Variants in PHACTR2 observed in about 807,000 individuals in gnomAD.
PHACTR2 encodes the protein chromosome 6 open reading frame 56.
In PHACTR2, 30 loss-of-function variants were observed where a neutral mutation model predicts 76.0. That is an observed-to-expected ratio of 0.39 (90% CI 0.30 to 0.54). The LOEUF (loss-of-function observed/expected upper bound fraction) is 0.54, where lower values mean the gene tolerates loss of function less well. Among genes scored for constraint, PHACTR2 ranks in the 20% least tolerant of loss-of-function variants. The pLI is 0.61. For synonymous variants in PHACTR2, 292 were observed against 292.5 expected, an observed-to-expected ratio of 1.00 and a Z score of 0.02; for missense variants, 696 against 781.1, an observed-to-expected ratio of 0.89 and a Z score of 1.30.
rs763835024 is a variant in PHACTR2, at chr6:143,754,565, G to A, written c.454+653G>A. On this transcript the variant is annotated intron_variant, in intron 4 of 12. Transcript: ENST00000440869. The surrounding 1 kb of genome is among the most constrained non-coding windows in gnomAD (Gnocchi z 6.2). The stretch of plus-strand genomic sequence containing the variant: ...TTCTTTAGAGACCTTGGTTCCTAGA[G>A]TGAATATGCTACAGTAGATTGAGAT... 9.9e-5 allele frequency among the ~76,000 whole-genome samples: 15 copies of A among 152,210 alleles called. No homozygotes were observed. Among genetic ancestry groups the A allele is most frequent in the Admixed American group, 3.3e-4 (5 of 15,282 alleles).
intron 1 of PHACTR2, among the ~76,000 whole-genome samples, chr6:143,636,046 A>G (rs1776445945): frequency 6.6e-6 from 1 of 152,114 alleles, no homozygotes; most frequent in Non-Finnish European, 1.5e-5. Context: ...TGTCTCTACT[A>G]AAAGTAAAAA....
chr6:143,545,314 C>T (rs111783778), intron 1 of PHACTR2, among the ~76,000 whole-genome samples: 8 of 152,154 alleles, frequency 5.3e-5, no homozygotes, highest in African/African-American at 1.4e-4. Flanking sequence ...GTAAACCTCA[C>T]TTGGCAACAC....
At chr6:143,603,413 TA>T (rs540737549), upstream of PHACTR2, among the ~76,000 whole-genome samples, 381 of 139,064 alleles carry the variant, frequency 2.7e-3, no homozygotes, top group African/African-American at 3.7e-3. Context: ...TGCTCTGCCT[TA>T]AAAAAAAAAA....
In PHACTR2 at chr6:143,539,906, C is replaced by T. The variant is rs959306058; in HGVS notation, c.217+2699C>T. On this transcript the variant is annotated intron_variant, in intron 1 of 11. Coordinates refer to the PHACTR2 transcript ENST00000367584. This position sits in a 1 kb window ranked among gnomAD's most constrained non-coding sequence, Gnocchi z 4.3. ...ACAACGAAGCAACCTGTGGCTGGGT[C>T]GCACACCTAGGGATTCTGATTTCAT... is the stretch of plus-strand genomic sequence containing the variant. Among the ~76,000 whole-genome samples the T allele has an allele frequency of 6.6e-6, 1 of 152,174 alleles. No homozygotes were observed. Among genetic ancestry groups the T allele is most frequent in the African/African-American group, 2.4e-5 (1 of 41,428 alleles).
intron 1 of PHACTR2, among the ~76,000 whole-genome samples, chr6:143,574,341 A>T (rs986457853): frequency 1.3e-5 from 2 of 152,212 alleles, no homozygotes; most frequent in Non-Finnish European, 2.9e-5. Context: ...CTATCGATAA[A>T]AACAAGTCAC....
upstream of PHACTR2, among the ~76,000 whole-genome samples, chr6:143,607,028 T>C (rs992431035): frequency 2.6e-5 from 4 of 152,190 alleles, no homozygotes; most frequent in African/African-American, 9.7e-5. Flanking sequence ...TACTTAAACC[T>C]AGAAGCTGTT....
At position 143,821,396 on chromosome 6, in the gene PHACTR2, T is replaced by C. The variant is rs954556453; in HGVS notation, c.1923-2278T>C. ...TCACCTGCTCTTATTTTTTAGTTTT[T>C]CATTTTGTAATGCTTGTATTCAACA... On this transcript the variant is annotated intron_variant, in intron 12 of 12. Transcript: ENST00000440869. This position sits in a 1 kb window ranked among gnomAD's most constrained non-coding sequence, Gnocchi z 5.2. 1.3e-5 allele frequency among the ~76,000 whole-genome samples: 2 copies of C among 152,258 alleles called. No individual in the cohort carries two copies. Among genetic ancestry groups the C allele is most frequent in the African/African-American group, 4.8e-5 (2 of 41,464 alleles).
rs1235701158 is a variant in PHACTR2 at position 143,791,021 on chromosome 6, T to C, written c.1845+2111T>C. Reference sequence around the variant, plus strand: ...ATACAGTCGAATTTATCAACCTTTTTCTTTATGGCTTATGATTTTGTTTCT... The same window carrying C: ...ATACAGTCGAATTTATCAACCTTTTCCTTTATGGCTTATGATTTTGTTTCT... On this transcript the variant is annotated intron_variant, in intron 11 of 12. Coordinates refer to ENST00000440869, the MANE Select transcript of PHACTR2 (RefSeq NM_001100164.2). The surrounding 1 kb of genome is among the most constrained non-coding windows in gnomAD (Gnocchi z 4.7). Among the ~76,000 whole-genome samples, 1 of 152,222 alleles carries C rather than the reference T, an allele frequency of 6.6e-6. No homozygotes were observed. Among genetic ancestry groups the C allele is most frequent in the East Asian group, 1.9e-4 (1 of 5,198 alleles).
intron 6 of PHACTR2, among the ~76,000 whole-genome samples, chr6:143,771,121 A>C (rs1582862752): frequency 7.9e-6 from 1 of 126,356 alleles, no homozygotes. Context: ...TAATTCATAT[A>C]TGTACTTTAC....
chr6:143,718,808 C>T (rs868609153), intron 2 of PHACTR2, among the ~76,000 whole-genome samples: 36 of 151,140 alleles, frequency 2.4e-4, no homozygotes, highest in African/African-American at 8.7e-4. Context: ...GCTCTGGTTG[C>T]ATTAATAAAT....
intron 2 of PHACTR2, among the ~76,000 whole-genome samples, chr6:143,726,197 T>G (rs1437945920): frequency 6.6e-6 from 1 of 152,260 alleles, no homozygotes. Flanking sequence ...TCCAGAGTTT[T>G]GCATTCCTGC....
chr6:143,765,434 C>T lies in PHACTR2; in HGVS notation c.868C>T (p.Leu290=), dbSNP rs745443451. The change falls in exon 6 of 13, where the codon CTG becomes TTG. Residue 290 remains leucine, a synonymous_variant. Transcript: ENST00000440869. This position sits in a 1 kb window ranked among gnomAD's most constrained non-coding sequence, Gnocchi z 4.1. ...KTDKQPITSH[L]SSDTTTSGTS... ...TGACAAGCAGCCAATAACTTCTCACCTGTCCTCAGACACAACAACTTCTGG... is the reference window on the plus strand; with the variant it reads ...TGACAAGCAGCCAATAACTTCTCACTTGTCCTCAGACACAACAACTTCTGG... 9.9e-6 allele frequency: 16 copies of T among 1,614,118 alleles called. No individual in the cohort carries two copies. The highest frequency in any genetic ancestry group is 1.4e-5 in the Non-Finnish European group (16 of 1,180,048).
intron 1 of PHACTR2, among the ~76,000 whole-genome samples, chr6:143,635,581 A>G (rs943841871): frequency 7.2e-5 from 11 of 152,216 alleles, no homozygotes; most frequent in Non-Finnish European, 1.5e-4. Context: ...AACAATTAAT[A>G]TTAGCAGGCC....
chr6:143,618,215 TAGAG>T lies in PHACTR2; in HGVS notation c.13+9895_13+9898del, dbSNP rs1186173439. ...CCACAGGCGCCCTGCTTTTTAGTGATAGAGAAATAGGTCCTGTTCCACCTTGTAC... is the reference window on the plus strand; with the variant it reads ...CCACAGGCGCCCTGCTTTTTAGTGATAAATAGGTCCTGTTCCACCTTGTAC... On this transcript the variant is annotated intron_variant, in intron 1 of 11. Transcript: ENST00000305766. This position sits in a 1 kb window ranked among gnomAD's most constrained non-coding sequence, Gnocchi z 5.2. 6.6e-6 allele frequency among the ~76,000 whole-genome samples: 1 copy of T among 151,082 alleles called. No individual in the cohort carries two copies. Among genetic ancestry groups the T allele is most frequent in the Non-Finnish European group, 1.5e-5 (1 of 67,824 alleles).
intron 12 of PHACTR2, among the ~76,000 whole-genome samples, chr6:143,814,157 A>G (rs1562317240): frequency 6.6e-6 from 1 of 152,152 alleles, no homozygotes; most frequent in Non-Finnish European, 1.5e-5. Flanking sequence ...GGAGTTCGAG[A>G]CGAGCTTGGC....
intron 1 of PHACTR2, among the ~76,000 whole-genome samples, chr6:143,559,906 TC>T (rs1433303213): frequency 6.6e-6 from 1 of 151,868 alleles, no homozygotes; most frequent in East Asian, 1.9e-4. Context: ...AGACGGGGTT[TC>T]TCCATGTTGA....
In PHACTR2 at chr6:143,764,327, C is replaced by G. The variant is rs1481426154; in HGVS notation, c.695-934C>G. Among the ~76,000 whole-genome samples the G allele has an allele frequency of 1.3e-5, 2 of 152,004 alleles. No individual in the cohort carries two copies. The highest frequency in any genetic ancestry group is 4.8e-5 in the African/African-American group (2 of 41,386). ...TTGAGCCCAGGAGTTCAAGACCAGC[C>G]TGGGCAACATGACAAAACCCTGTCT... is the stretch of plus-strand genomic sequence containing the variant. On this transcript the variant is annotated intron_variant, in intron 5 of 12. Coordinates refer to ENST00000440869, the MANE Select transcript of PHACTR2 (RefSeq NM_001100164.2). The surrounding 1 kb of genome is among the most constrained non-coding windows in gnomAD (Gnocchi z 4.7).
chr6:143,669,028 A>G (rs768221431), intron 1 of PHACTR2, among the ~76,000 whole-genome samples: 18 of 152,146 alleles, frequency 1.2e-4, no homozygotes, highest in Non-Finnish European at 7.4e-5. Flanking sequence ...ATTTCCCTCT[A>G]CACACTGCTT....
Position 143,610,338 on chromosome 6 carries a change from A to G in PHACTR2, c.13+2016A>G, listed in dbSNP as rs1260699631. Among the ~76,000 whole-genome samples the G allele has an allele frequency of 1.3e-5, 2 of 152,214 alleles. No individual in the cohort carries two copies. Among genetic ancestry groups the G allele is most frequent in the Admixed American group, 1.3e-4 (2 of 15,286 alleles). On this transcript the variant is annotated intron_variant, in intron 1 of 11. Transcript: ENST00000305766. The surrounding 1 kb of genome is among the most constrained non-coding windows in gnomAD (Gnocchi z 4.9). Reference sequence around the variant, plus strand: ...AACTTGGAGCACTACAGTTTCTCCAATTTAATTTAAAGAAGATAATGATGT... The same window carrying G: ...AACTTGGAGCACTACAGTTTCTCCAGTTTAATTTAAAGAAGATAATGATGT...
Sources: gnomAD v4.1 joint callset for allele counts (sites outside exome capture counted in the v4.1 genomes callset) on GRCh38, gnomAD v4.1.1 for gene constraint, Gnocchi (gnomAD v3.1) non-coding constraint, MANE v1.5 for transcripts, NCBI Gene and HGNC (gene_info 2026-07-23, HGNC 2026-07-21) for gene names.